Variants in RPGRIP1L observed in about 807,000 individuals in gnomAD.
The protein encoded by RPGRIP1L is RPGRIP1 like.
In RPGRIP1L, 131 loss-of-function variants were observed where a neutral mutation model predicts 160.4. That is an observed-to-expected ratio of 0.82 (90% CI 0.71 to 0.94). The LOEUF is 0.94. Ranked by LOEUF, RPGRIP1L falls within the 40% of genes least tolerant of loss-of-function variation. The pLI, the probability that RPGRIP1L is intolerant of heterozygous loss-of-function variation, is 0.00. For missense variants in RPGRIP1L, 1,522 were observed against 1,535.8 expected (o/e 0.99, Z 0.15); for synonymous variants, 510 against 515.8 (o/e 0.99, Z 0.15).
At chr16:53,612,609 G>GT in intron 24 of RPGRIP1L, among the ~76,000 whole-genome samples, 1 of 150,874 alleles carries the variant, frequency 6.6e-6, no homozygotes, top group South Asian at 2.1e-4. Flanking sequence ...GAAGACAAGG[G>GT]TAATCTCAGT....
At position 53,652,776 on chromosome 16, in the gene RPGRIP1L, GA is replaced by G; in HGVS notation, c.1910del (p.Phe637SerfsTer11). On this transcript the variant is annotated frameshift_variant, in exon 15 of 27. Transcript: ENST00000647211. LOFTEE classifies it high-confidence loss of function. Reference sequence around the variant, plus strand: ...GAGTTGTCTGTAGTTCAAAATCATAGAAAGCATAGGTACAGAAAGTGACAGG... The same window carrying G: ...GAGTTGTCTGTAGTTCAAAATCATAGAAGCATAGGTACAGAAAGTGACAGG... ...KEPVTFCTYA[F>X]YDFELQTTPV... The G allele has an allele frequency of 6.2e-7, 1 of 1,614,122 alleles. No homozygotes were observed. Among genetic ancestry groups the G allele is most frequent in the Non-Finnish European group, 8.5e-7 (1 of 1,179,998 alleles).
At chr16:53,614,855 T>C (rs941317977) in intron 24 of RPGRIP1L, among the ~76,000 whole-genome samples, 5 of 152,214 alleles carry the variant, frequency 3.3e-5, no homozygotes, top group African/African-American at 1.2e-4. Flanking sequence ...TCAAAAAGGA[T>C]ACAAACTGGT....
intron 22 of RPGRIP1L, among the ~76,000 whole-genome samples, chr16:53,629,073 A>C (rs1965349450): frequency 6.6e-6 from 1 of 152,140 alleles, no homozygotes; most frequent in Admixed American, 6.6e-5. Context: ...GAATTTTAAA[A>C]ATCACCCTCA....
chr16:53,686,720 G>C (rs2151319350), intron 5 of RPGRIP1L, 144 bp from the exon 6 acceptor site: 4 of 713,110 alleles, frequency 5.6e-6, no homozygotes, highest in South Asian at 3.2e-5. Flanking sequence ...CAGTGAAATA[G>C]TAGCAGATTA....
chr16:53,637,322 A>AT (rs879262137), intron 21 of RPGRIP1L, among the ~76,000 whole-genome samples: 1 of 152,116 alleles, frequency 6.6e-6, no homozygotes, highest in African/African-American at 2.4e-5. Flanking sequence ...CTTTTACCAG[A>AT]TTTTAAAAAA....
chr16:53,671,616 ATAT>A (rs747954813), intron 8 of RPGRIP1L, 33 bp from the exon 9 acceptor site: 1 of 1,178,452 alleles, frequency 8.5e-7, no homozygotes, highest in East Asian at 2.6e-5. Flanking sequence ...TATTAAGTAA[ATAT>A]TATATAAAAC....
At chr16:53,612,616 C>CA in intron 24 of RPGRIP1L, among the ~76,000 whole-genome samples, 1 of 149,622 alleles carries the variant, frequency 6.7e-6, no homozygotes, top group South Asian at 2.1e-4. Flanking sequence ...AGGGTAATCT[C>CA]AGTGGTTAAA....
rs1963296174 is a variant in RPGRIP1L, at chr16:53,599,622, T to C, written c.*2454A>G. 1 of 152,254 alleles carries C rather than the reference T, an allele frequency of 6.6e-6. No homozygotes were observed. The highest frequency in any genetic ancestry group is 1.5e-5 in the Non-Finnish European group (1 of 68,050). 9.4% of individuals were successfully genotyped at this position (152,254 alleles called of 1,614,324 possible). A position where few individuals can be genotyped will look rare whatever the true frequency, so the allele number is the denominator to read the frequency against. ...GCAACACCTTAAGCTGGTATCTGTG[T>C]GGCAAGGCCACTGCTGGTGGCCCCT... On this transcript the variant is annotated 3_prime_UTR_variant, in exon 27 of 27. Transcript: ENST00000647211.
chr16:53,696,112 C>T (rs1304723351), intron 3 of RPGRIP1L, 39 bp downstream of exon 3: 2 of 1,603,146 alleles, frequency 1.2e-6, no homozygotes, highest in East Asian at 4.5e-5. Flanking sequence ...CCAAATTTTA[C>T]TGAGTCAAGA....
chr16:53,664,277 G>A (rs1968054296), intron 10 of RPGRIP1L, among the ~76,000 whole-genome samples: 1 of 151,862 alleles, frequency 6.6e-6, no homozygotes, highest in Admixed American at 6.6e-5. Flanking sequence ...TTTAGCATGG[G>A]GCACAAAACT....
chr16:53,608,130 T>C (rs979612501), intron 25 of RPGRIP1L: 3 of 168,072 alleles, frequency 1.8e-5, no homozygotes, highest in African/African-American at 7.2e-5. Flanking sequence ...CCAGCCTTGC[T>C]AACCACCTCT....
chr16:53,643,350 T>TTA (rs76924609), intron 17 of RPGRIP1L, among the ~76,000 whole-genome samples: 7,658 of 151,212 alleles, frequency 0.051, 394 homozygotes, highest in East Asian at 0.3. Context: ...AAGAGCCTAT[T>TTA]TATAGCTCAT....
In RPGRIP1L at chr16:53,637,777, T is replaced by G; in HGVS notation, c.3138A>C (p.Leu1046Phe). The G allele has an allele frequency of 1.9e-6, 3 of 1,613,146 alleles. No individual in the cohort carries two copies. Among genetic ancestry groups the G allele is most frequent in the Non-Finnish European group, 2.5e-6 (3 of 1,179,676 alleles). ...KMQQGKDDVS[L>F]LSEGQLAEQS... ...GTTCTGCAAGCTGACCTTCAGATAGTAAAGACACATCATCTTTTCCTTGCT... is the reference window on the plus strand; with the variant it reads ...GTTCTGCAAGCTGACCTTCAGATAGGAAAGACACATCATCTTTTCCTTGCT... The change falls in exon 21 of 27, where the codon TTA becomes TTC. Residue 1046 changes from leucine (L) to phenylalanine (F), a missense_variant. Leu to Phe is a conservative substitution (Grantham distance 22). Transcript: ENST00000647211.
At chr16:53,636,792 A>G (rs964933283) in intron 21 of RPGRIP1L, among the ~76,000 whole-genome samples, 1 of 152,180 alleles carries the variant, frequency 6.6e-6, no homozygotes, top group Admixed American at 6.6e-5. Context: ...AAAGAGAACC[A>G]TAGGGTAATA....
chr16:53,664,796 G>A (rs1968094620), intron 10 of RPGRIP1L, 74 bp downstream of exon 10: 1 of 1,515,300 alleles, frequency 6.6e-7, no homozygotes, highest in Admixed American at 1.7e-5. Flanking sequence ...AGGCACCAGA[G>A]TAAGTACTGA....
chr16:53,639,171 C>CA (rs1567822271), intron 19 of RPGRIP1L, among the ~76,000 whole-genome samples: 1 of 151,708 alleles, frequency 6.6e-6, no homozygotes, highest in Non-Finnish European at 1.5e-5. Context: ...TTTTAAAATA[C>CA]AGCTTATGAC....
intron 16 of RPGRIP1L, among the ~76,000 whole-genome samples, chr16:53,648,622 G>GCACACACACACACACACA (rs1372621947): frequency 9.8e-6 from 1 of 102,136 alleles, no homozygotes; most frequent in African/African-American, 3.2e-5. Flanking sequence ...GTGCGCGCGC[G>GCACACACACACACACACA]CGCGCACACA....
chr16:53,653,334 A>C, intron 14 of RPGRIP1L: 1 of 1,106,528 alleles, frequency 9.0e-7, no homozygotes, highest in East Asian at 7.5e-5. Flanking sequence ...CATTGTCTTC[A>C]CTCCTATAAA....
At chr16:53,659,589 A>G (rs1216745587) in intron 10 of RPGRIP1L, 1 of 152,254 alleles carries the variant, frequency 6.6e-6, no homozygotes, top group Non-Finnish European at 1.5e-5. Flanking sequence ...GGTATCAATA[A>G]TAATTCATAT....
Sources: gnomAD v4.1 joint callset for allele counts (sites outside exome capture counted in the v4.1 genomes callset) on GRCh38, gnomAD v4.1.1 for gene constraint, MANE v1.5 for transcripts, NCBI Gene and HGNC (gene_info 2026-07-23, HGNC 2026-07-21) for gene names.